Variants in ACBD6 observed in about 807,000 individuals in gnomAD.
The protein encoded by ACBD6 is acyl-CoA-binding domain-containing protein 6.
ACBD6 carries 28 observed loss-of-function variants against 37.2 expected under a neutral mutation model. The observed-to-expected ratio is 0.75, with a 90% CI of 0.56 to 1.03. The LOEUF is 1.03. ACBD6 is among the 50% of genes least tolerant of loss of function. The probability of loss-of-function intolerance (pLI) is 0.00; values close to 1 mark genes in which losing one functional copy is unlikely to be tolerated. For synonymous variants in ACBD6, 113 were observed against 126.8 expected (o/e 0.89, Z 0.73); for missense variants, 340 against 337.4 (o/e 1.01, Z -0.06).
intron 6 of ACBD6, among the ~76,000 whole-genome samples, chr1:180,370,988 G>C (rs1178175427): frequency 6.6e-6 from 1 of 151,984 alleles, no homozygotes; most frequent in African/African-American, 2.4e-5. Context: ...TTGTTTATTA[G>C]TTCTGTTTAA....
At chr1:180,337,272 G>A (rs894409444) in intron 6 of ACBD6, among the ~76,000 whole-genome samples, 13 of 151,936 alleles carry the variant, frequency 8.6e-5, no homozygotes, top group Admixed American at 4.6e-4. Context: ...CTGAAAAACC[G>A]AATCCAGCAG....
intron 7 of ACBD6, among the ~76,000 whole-genome samples, chr1:180,290,257 T>C (rs1163065633): frequency 1.3e-5 from 2 of 152,132 alleles, no homozygotes; most frequent in East Asian, 1.9e-4. Context: ...GGCGAGATCA[T>C]GGCTCACTGC....
intron 3 of ACBD6, among the ~76,000 whole-genome samples, chr1:180,447,340 T>C (rs749171823): frequency 8.5e-5 from 13 of 152,294 alleles, no homozygotes; most frequent in Non-Finnish European, 1.5e-4. Context: ...ATAATTAATA[T>C]GGTCAACAGA....
intron 4 of ACBD6, among the ~76,000 whole-genome samples, chr1:180,414,417 T>A (rs191040664): frequency 6.6e-6 from 1 of 152,222 alleles, no homozygotes; most frequent in Admixed American, 6.5e-5. Flanking sequence ...AGTTCTTCTA[T>A]CCTAAAAGCC....
chr1:180,482,307 A>G (rs2102072117), intron 3 of ACBD6, among the ~76,000 whole-genome samples: 1 of 152,296 alleles, frequency 6.6e-6, no homozygotes, highest in African/African-American at 2.4e-5. Flanking sequence ...TGGATACTGG[A>G]CAGCTAGACA....
rs572996301 is a variant in ACBD6 at position 180,483,176 on chromosome 1, T to C, written c.384+9093A>G. On this transcript the variant is annotated intron_variant, in intron 3 of 7. Transcript: ENST00000367595. Reference sequence around the variant, plus strand: ...TTCTAGAGTACGTCAGGCATGATCCTACTTTAGAGACTTGCACTAGCTGTT... The same window carrying C: ...TTCTAGAGTACGTCAGGCATGATCCCACTTTAGAGACTTGCACTAGCTGTT... Among the ~76,000 whole-genome samples, 17 of 152,306 alleles carry C rather than the reference T, an allele frequency of 1.1e-4. No homozygotes were observed. In the East Asian group the frequency reaches 1.9e-3, roughly 17 times the overall value.
At chr1:180,365,592 T>C (rs1389241172) in intron 6 of ACBD6, among the ~76,000 whole-genome samples, 1 of 152,248 alleles carries the variant, frequency 6.6e-6, no homozygotes, top group African/African-American at 2.4e-5. Flanking sequence ...GCTATGTATA[T>C]AACAGTACTT....
intron 1 of ACBD6, among the ~76,000 whole-genome samples, chr1:180,498,156 T>G (rs1215074659): frequency 2.0e-5 from 3 of 152,250 alleles, no homozygotes; most frequent in Admixed American, 2.0e-4. Context: ...TTCACATTCA[T>G]GACTGTCACC....
At chr1:180,302,671 C>T (rs950541959) in intron 7 of ACBD6, among the ~76,000 whole-genome samples, 1 of 151,554 alleles carries the variant, frequency 6.6e-6, no homozygotes, top group African/African-American at 2.4e-5. Context: ...CTTTAACACC[C>T]CACTGTCAAC....
chr1:180,276,915 C>CTAAT (rs1649071407), intron 9 of ACBD6: 2 of 152,100 alleles, frequency 1.3e-5, no homozygotes, highest in African/African-American at 2.4e-5. Flanking sequence ...GTTAATCATA[C>CTAAT]TAATTCCCAG....
chr1:180,441,150 C>T (rs1360186071), intron 3 of ACBD6, among the ~76,000 whole-genome samples: 1 of 152,150 alleles, frequency 6.6e-6, no homozygotes, highest in Non-Finnish European at 1.5e-5. Flanking sequence ...ATTGTACAGT[C>T]TTAGCAGCAA....
intron 6 of ACBD6, among the ~76,000 whole-genome samples, chr1:180,342,224 AC>A (rs1024406249): frequency 6.6e-6 from 1 of 152,152 alleles, no homozygotes; most frequent in Non-Finnish European, 1.5e-5. Flanking sequence ...CAGGAGGCCA[AC>A]CAGACTGTCC....
intron 3 of ACBD6, among the ~76,000 whole-genome samples, chr1:180,446,008 CT>C (rs1163420000): frequency 1.3e-5 from 2 of 151,508 alleles, no homozygotes; most frequent in South Asian, 2.1e-4. Context: ...CTTAAGTGTA[CT>C]TTTTTTTGGG....
intron 6 of ACBD6, among the ~76,000 whole-genome samples, chr1:180,353,785 C>CAAAAAAAAAAAAAAAAAAAAAAA (rs56286672): frequency 5.1e-5 from 1 of 19,728 alleles, no homozygotes; most frequent in African/African-American, 2.9e-4. Flanking sequence ...TTAACAACCA[C>CAAAAAAAAAAAAAAAAAAAAAAA]AAAAAAAAAA....
At chr1:180,348,006 T>C (rs1230413521) in intron 6 of ACBD6, among the ~76,000 whole-genome samples, 1 of 152,106 alleles carries the variant, frequency 6.6e-6, no homozygotes, top group East Asian at 1.9e-4. Context: ...AATAATCTTG[T>C]CTCTCTCTTA....
chr1:180,469,510 T>A (rs950819224), intron 3 of ACBD6, among the ~76,000 whole-genome samples: 1 of 152,212 alleles, frequency 6.6e-6, no homozygotes, highest in Non-Finnish European at 1.5e-5. Context: ...TTTCAAAAAC[T>A]GAATTCATTT....
chr1:180,345,163 T>C (rs1652132502), intron 6 of ACBD6, among the ~76,000 whole-genome samples: 1 of 152,224 alleles, frequency 6.6e-6, no homozygotes, highest in African/African-American at 2.4e-5. Flanking sequence ...GAAGGGTGTC[T>C]TGCTTATTGC....
At chr1:180,311,815 T>C (rs913739875) in intron 7 of ACBD6, among the ~76,000 whole-genome samples, 16 of 152,188 alleles carry the variant, frequency 1.1e-4, no homozygotes, top group African/African-American at 3.6e-4. Flanking sequence ...TTTTTGTAGA[T>C]TTTCTTGAAT....
exon 14 of ACBD6, chr1:180,271,054 GT>G (rs1648618500): frequency 2.5e-6 from 1 of 404,084 alleles, no homozygotes; most frequent in South Asian, 2.1e-5. Flanking sequence ...TGAGCAGAGT[GT>G]TTGTCATGAC....
Sources: gnomAD v4.1 joint callset for allele counts (sites outside exome capture counted in the v4.1 genomes callset) on GRCh38, gnomAD v4.1.1 for gene constraint, MANE v1.5 for transcripts, NCBI Gene and HGNC (gene_info 2026-07-23, HGNC 2026-07-21) for gene names.